The following NPAS1 variants were observed in gnomAD, a reference collection of about 807,000 sequenced individuals.
The protein encoded by NPAS1 is neuronal PAS domain protein 1.
NPAS1 carries 29 observed loss-of-function variants against 49.2 expected under a neutral mutation model. That is an observed-to-expected ratio of 0.59 (90% CI 0.44 to 0.80). The LOEUF is 0.80. NPAS1 is among the 30% of genes least tolerant of loss of function. The pLI, the probability that NPAS1 is intolerant of heterozygous loss-of-function variation, is 0.00. For synonymous variants in NPAS1, 408 were observed against 380.4 expected (o/e 1.07, Z -0.84); for missense variants, 825 against 835.5 (o/e 0.99, Z 0.15).
intron 3 of NPAS1, among the ~76,000 whole-genome samples, chr19:47,028,805 C>T (rs996820227): frequency 6.6e-6 from 1 of 152,126 alleles, no homozygotes; most frequent in Non-Finnish European, 1.5e-5. Flanking sequence ...CCACTCTCAG[C>T]ACTGGGTTGG....
Position 47,041,080 on chromosome 19 carries a change from A to G in NPAS1, c.1172A>G (p.Lys391Arg). 1 of 1,597,388 alleles carries G rather than the reference A, an allele frequency of 6.3e-7. No individual in the cohort carries two copies. The highest frequency in any genetic ancestry group is 8.5e-7 in the Non-Finnish European group (1 of 1,174,996). ...QSVATVAGSG[K>R]SPGEHHVLWV... ...GTGGCCACAGTGGCTGGGAGCGGGA[A>G]GAGCCCCGGGGAGCACCATGTGCTT... Residue 391 changes from lysine (K) to arginine (R), a missense_variant, in exon 10 of 12, where the codon AAG (lysine) becomes AGG (arginine). By Grantham distance (26) the Lys-to-Arg change is conservative. Coordinates refer to ENST00000602212, the MANE Select transcript of NPAS1 (RefSeq NM_002517.4).
chr19:47,038,942 C>G, intron 6 of NPAS1, 94 bp from the exon 7 acceptor site: 1 of 1,068,238 alleles, frequency 9.4e-7, no homozygotes, highest in South Asian at 1.3e-5. Flanking sequence ...CAGCGGACAT[C>G]TTGTGTCTAT....
chr19:47,028,422 G>A (rs766016906), intron 3 of NPAS1, among the ~76,000 whole-genome samples: 1 of 152,118 alleles, frequency 6.6e-6, no homozygotes. Flanking sequence ...TGGGGAGGCG[G>A]GGGCTGCGCG....
intron 3 of NPAS1, among the ~76,000 whole-genome samples, chr19:47,025,527 C>T (rs1003644181): frequency 2.6e-5 from 4 of 151,908 alleles, no homozygotes; most frequent in Non-Finnish European, 2.9e-5. Flanking sequence ...ATCCGCCTGC[C>T]GCAGCCTCCC....
At chr19:47,026,391 G>A (rs1383259262) in intron 3 of NPAS1, among the ~76,000 whole-genome samples, 1 of 152,146 alleles carries the variant, frequency 6.6e-6, no homozygotes, top group Non-Finnish European at 1.5e-5. Flanking sequence ...CATGCACTGT[G>A]GTAGGGGTTT....
chr19:47,032,620 C>G (rs780008365), intron 4 of NPAS1, 23 bp from the exon 5 acceptor site: 5 of 1,607,242 alleles, frequency 3.1e-6, no homozygotes, highest in South Asian at 2.2e-5. Flanking sequence ...CTCCTTCCCC[C>G]TCCCTGTCTC....
Position 47,021,643 on chromosome 19 carries a change from A to T in NPAS1, c.154A>T (p.Asn52Tyr). ...LQAQRKEKSR[N>Y]AARSRRGKEN... is the part of the protein sequence containing the mutation. ...GGCGCAGCGCAAGGAGAAGTCCCGG[A>T]ACGCGGCGCGCTCGCGGCGCGGGAA... The change falls in exon 3 of 12, where the codon AAC becomes TAC. Residue 52 changes from asparagine (N) to tyrosine (Y), a missense_variant. Coordinates refer to ENST00000602212, the MANE Select transcript of NPAS1 (RefSeq NM_002517.4). This position sits in a 1 kb window ranked among gnomAD's most constrained non-coding sequence, Gnocchi z 5.7. The T allele has an allele frequency of 6.4e-7, 1 of 1,550,388 alleles. No homozygotes were observed. The highest frequency in any genetic ancestry group is 1.2e-5 in the South Asian group (1 of 83,774).
intron 3 of NPAS1, among the ~76,000 whole-genome samples, chr19:47,030,957 A>G (rs1277746147): frequency 6.6e-6 from 1 of 151,644 alleles, no homozygotes; most frequent in African/African-American, 2.4e-5. Flanking sequence ...CCATTTTTGA[A>G]TTGTCTTTTT....
At position 47,021,679 on chromosome 19, in the gene NPAS1, G is replaced by A; in HGVS notation, c.190G>A (p.Glu64Lys). ...ARSRRGKENLEFFELAKLLPL... is the reference protein window; with the variant it reads ...ARSRRGKENLKFFELAKLLPL... ...CTCGCGGCGCGGGAAGGAGAACCTG[G>A]AGTTCTTCGAGCTGGCCAAGCTTCT... is the stretch of plus-strand genomic sequence containing the variant. The change falls in exon 3 of 12, where the codon GAG becomes AAG. Residue 64 changes from glutamate (E) to lysine (K), a missense_variant. Glu to Lys is a moderately conservative substitution (Grantham distance 56). Coordinates refer to ENST00000602212, the MANE Select transcript of NPAS1 (RefSeq NM_002517.4). This position sits in a 1 kb window ranked among gnomAD's most constrained non-coding sequence, Gnocchi z 5.7. 6.4e-7 allele frequency: 1 copy of A among 1,563,806 alleles called. No individual in the cohort carries two copies.
In NPAS1 at chr19:47,041,069, T is replaced by C; in HGVS notation, c.1161T>C (p.Ala387=). 1 of 1,596,776 alleles carries C rather than the reference T, an allele frequency of 6.3e-7. No homozygotes were observed. Among genetic ancestry groups the C allele is most frequent in the Non-Finnish European group, 8.5e-7 (1 of 1,174,172 alleles). Residue 387 remains alanine (A), a synonymous_variant, in exon 10 of 12, where the codon GCT becomes GCC. Transcript: ENST00000602212. The stretch of plus-strand genomic sequence containing the variant: ...GGCTGCAGTCTGTGGCCACAGTGGC[T>C]GGGAGCGGGAAGAGCCCCGGGGAGC... The part of the protein sequence containing the change: ...FVWLQSVATV[A]GSGKSPGEHH...
intron 3 of NPAS1, among the ~76,000 whole-genome samples, chr19:47,029,280 CA>C (rs1286929474): frequency 6.6e-6 from 1 of 152,034 alleles, no homozygotes; most frequent in African/African-American, 2.4e-5. Context: ...GACAGGGTTT[CA>C]CTATGTTGGC....
chr19:47,042,753 G>A, intron 10 of NPAS1, 57 bp from the exon 11 acceptor site: 1 of 1,434,704 alleles, frequency 7.0e-7, no homozygotes, highest in Non-Finnish European at 9.5e-7. Context: ...TAAAGCAGGA[G>A]GGAGTCCTGA....
intron 11 of NPAS1, among the ~76,000 whole-genome samples, chr19:47,043,540 A>C (rs2057044168): frequency 6.6e-6 from 1 of 152,046 alleles, no homozygotes. Flanking sequence ...CAGTGAGCCG[A>C]GATCATGCCA....
intron 4 of NPAS1, 61 bp downstream of exon 4, chr19:47,032,412 G>A (rs1280070950): frequency 3.9e-6 from 6 of 1,547,618 alleles, no homozygotes; most frequent in African/African-American, 1.4e-5. Context: ...CGCCTCTGGA[G>A]AACAGCAGCC....
chr19:47,037,755 G>A (rs1407963852), intron 6 of NPAS1, among the ~76,000 whole-genome samples: 1 of 152,202 alleles, frequency 6.6e-6, no homozygotes, highest in Non-Finnish European at 1.5e-5. Flanking sequence ...TCTGCAACAC[G>A]TGCAGGCTGT....
At chr19:47,040,339 C>G in intron 8 of NPAS1, 105 bp from the exon 9 acceptor site, 1 of 704,690 alleles carries the variant, frequency 1.4e-6, no homozygotes, top group Non-Finnish European at 2.5e-6. Context: ...TTATTGCACC[C>G]ATTTTACAGC....
chr19:47,039,434 G>A lies in NPAS1; in HGVS notation c.832G>A (p.Ala278Thr). ...KVIHVTGRLR[A>T]HALGLVALGH... ...CATCCACGTGACTGGGCGCCTTCGG[G>A]CCCACGCCCTGGGCCTTGTGGCCCT... Residue 278 changes from alanine to threonine, a missense_variant, in exon 8 of 12, where the codon GCC (alanine) becomes ACC (threonine). By Grantham distance (58) the Ala-to-Thr change is moderately conservative. Transcript: ENST00000602212. The A allele has an allele frequency of 6.2e-7, 1 of 1,611,878 alleles. No individual in the cohort carries two copies. Among genetic ancestry groups the A allele is most frequent in the African/African-American group, 1.3e-5 (1 of 74,990 alleles).
In NPAS1 at chr19:47,042,877, G is replaced by A. The variant is rs1380863162; in HGVS notation, c.1285G>A (p.Ala429Thr). 17 of 1,603,692 alleles carry A rather than the reference G, an allele frequency of 1.1e-5. No individual in the cohort carries two copies. Among genetic ancestry groups the A allele is most frequent in the Admixed American group, 3.4e-5 (2 of 58,822 alleles). ...QLPASVACEE[A>T]SSPGPEPTEP... is the part of the protein sequence containing the mutation. ...TCCAGCCAGCGTGGCCTGTGAGGAG[G>A]CATCCAGCCCGGGGCCAGAGCCCAC... The change falls in exon 11 of 12, where the codon GCA becomes ACA. Residue 429 changes from alanine to threonine, a missense_variant. By Grantham distance (58) the Ala-to-Thr change is moderately conservative. Transcript: ENST00000602212.
rs752459837 is a variant in NPAS1, at chr19:47,045,431, AC to A, written c.1559del (p.Pro520ArgfsTer?). ...VRPWGLAPPG[D>X]PPPTLLHAGF... ...CCATGGGGCCTGGCGCCTCCCGGGG[AC>A]CCCCCGCCCACCCTCCTGCACGCGG... On this transcript the variant is annotated frameshift_variant, in exon 12 of 12. Transcript: ENST00000602212. LOFTEE classifies it low-confidence loss of function (END_TRUNC). The A allele has an allele frequency of 1.2e-6, 2 of 1,602,870 alleles. No individual in the cohort carries two copies. Among genetic ancestry groups the A allele is most frequent in the African/African-American group, 1.3e-5 (1 of 74,464 alleles).
Sources: allele counts gnomAD v4.1 joint callset (sites outside exome capture counted in the v4.1 genomes callset), GRCh38; gene constraint gnomAD v4.1.1; non-coding constraint Gnocchi (gnomAD v3.1); transcripts MANE v1.5; gene names NCBI Gene and HGNC (gene_info 2026-07-23, HGNC 2026-07-21).